Variants in AUTS2 observed in about 807,000 individuals in gnomAD.
The protein encoded by AUTS2 is autism susceptibility gene 2 protein.
A neutral mutation model predicts 112.4 loss-of-function variants in AUTS2; 17 were observed. The observed-to-expected ratio is 0.15, with a 90% CI of 0.10 to 0.23. AUTS2 has a LOEUF of 0.23. AUTS2 is among the 10% of genes least tolerant of loss of function. The pLI is 1.00. For missense variants in AUTS2, 1,510 were observed against 1,701.6 expected (o/e 0.89, Z 1.98); for synonymous variants, 751 against 702.7 (o/e 1.07, Z -1.09).
intron 4 of AUTS2, among the ~76,000 whole-genome samples, chr7:70,161,069 G>T (rs1412927212): frequency 6.6e-6 from 1 of 152,144 alleles, no homozygotes; most frequent in African/African-American, 2.4e-5. Flanking sequence ...CAGTTATTTT[G>T]CTTTAAATCT....
chr7:70,318,679 G>T (rs1202812861), intron 4 of AUTS2, among the ~76,000 whole-genome samples: 1 of 152,178 alleles, frequency 6.6e-6, no homozygotes, highest in East Asian at 1.9e-4. Context: ...AATCAAGGAA[G>T]AGGGCTTCTA....
chr7:70,410,907 A>G (rs1408906904), intron 4 of AUTS2, among the ~76,000 whole-genome samples: 1 of 151,568 alleles, frequency 6.6e-6, no homozygotes, highest in Non-Finnish European at 1.5e-5. Context: ...CTTGTCACCC[A>G]GGCTGGAGTG....
chr7:70,517,348 T>A (rs1799456598), intron 5 of AUTS2, among the ~76,000 whole-genome samples: 1 of 152,080 alleles, frequency 6.6e-6, no homozygotes. Flanking sequence ...ATGGGTTTGG[T>A]GGTATCAGAT....
chr7:70,659,890 A>T (rs1806979120), intron 5 of AUTS2, among the ~76,000 whole-genome samples: 1 of 152,194 alleles, frequency 6.6e-6, no homozygotes, highest in South Asian at 2.1e-4. Context: ...AAATGCAGGC[A>T]ACTGGCTGGG....
intron 5 of AUTS2, among the ~76,000 whole-genome samples, chr7:70,591,297 C>T (rs1585344069): frequency 1.3e-5 from 2 of 150,506 alleles, no homozygotes; most frequent in East Asian, 3.9e-4. Flanking sequence ...GGCCATGCTG[C>T]CCGCTTTGCT....
rs528958009 is a variant in AUTS2, at chr7:70,098,931, A to G, written c.523-19201A>G. On this transcript the variant is annotated intron_variant, in intron 2 of 18. Coordinates refer to ENST00000342771, the MANE Select transcript of AUTS2 (RefSeq NM_015570.4). ...TGGTCAGGCTGGTCTCAAACTCCCA[A>G]CCTCAGGTGATCCGCCCACCTCGAC... 4.6e-4 allele frequency among the ~76,000 whole-genome samples: 69 copies of G among 151,616 alleles called. 1 individual carries two copies. Among genetic ancestry groups the G allele is most frequent in the African/African-American group, 1.5e-3 (61 of 41,374 alleles).
At chr7:69,866,421 C>A (rs757301543) in intron 1 of AUTS2, among the ~76,000 whole-genome samples, 3 of 152,086 alleles carry the variant, frequency 2.0e-5, no homozygotes, top group Non-Finnish European at 2.9e-5. Context: ...TCCATGATTG[C>A]CCCCCTGGAG....
chr7:70,225,374 A>G (rs1811709172), intron 4 of AUTS2, among the ~76,000 whole-genome samples: 1 of 152,360 alleles, frequency 6.6e-6, no homozygotes, highest in Admixed American at 6.5e-5. Flanking sequence ...TGAAAAGTTT[A>G]TGTAGAAATG....
At chr7:70,523,939 A>C (rs1198557480) in intron 5 of AUTS2, among the ~76,000 whole-genome samples, 3 of 152,244 alleles carry the variant, frequency 2.0e-5, no homozygotes, top group African/African-American at 7.2e-5. Context: ...CCTTCACACA[A>C]GTCTAAGCAA....
At chr7:69,761,542 C>T (rs1369790172) in intron 1 of AUTS2, among the ~76,000 whole-genome samples, 1 of 151,942 alleles carries the variant, frequency 6.6e-6, no homozygotes, top group East Asian at 1.9e-4. Flanking sequence ...TGTGTATTTC[C>T]TTGATCTAGT....
intron 2 of AUTS2, among the ~76,000 whole-genome samples, chr7:70,035,083 A>C (rs1342624289): frequency 6.6e-6 from 1 of 152,180 alleles, no homozygotes; most frequent in Non-Finnish European, 1.5e-5. Flanking sequence ...AGCATTCAAC[A>C]ATTCTCTTCC....
Position 70,382,227 on chromosome 7 carries a change from GA to G in AUTS2, c.661-53520del, listed in dbSNP as rs1424061851. On this transcript the variant is annotated intron_variant, in intron 4 of 18. Coordinates refer to ENST00000342771, the MANE Select transcript of AUTS2 (RefSeq NM_015570.4). ...GTTGAATCTCTAGGTCAACCAATTT[GA>G]AAAACTCTAAACTCTTCCAAATTGA... is the stretch of plus-strand genomic sequence containing the variant. Among the ~76,000 whole-genome samples, 5 of 152,132 alleles carry G rather than the reference GA, an allele frequency of 3.3e-5. No homozygotes were observed. In the South Asian group the frequency reaches 8.3e-4, roughly 25 times the overall value.
At chr7:69,677,177 C>G (rs1344609191) in intron 1 of AUTS2, among the ~76,000 whole-genome samples, 1 of 152,110 alleles carries the variant, frequency 6.6e-6, no homozygotes, top group Non-Finnish European at 1.5e-5. Context: ...TAAATAAAGA[C>G]AGCCAAAAGC....
intron 5 of AUTS2, among the ~76,000 whole-genome samples, chr7:70,474,569 ATATAAG>A (rs1252765645): frequency 2.0e-5 from 3 of 152,156 alleles, no homozygotes; most frequent in Non-Finnish European, 2.9e-5. Flanking sequence ...AATAAGGAAA[ATATAAG>A]TATAACTGCC....
At chr7:70,101,485 A>G (rs1049126483) in intron 2 of AUTS2, among the ~76,000 whole-genome samples, 7 of 152,054 alleles carry the variant, frequency 4.6e-5, no homozygotes, top group Non-Finnish European at 1.0e-4. Context: ...ACTTGAGATC[A>G]GGAGTTAAAG....
In AUTS2 at chr7:70,790,651, G is replaced by A. The variant is rs749147574; in HGVS notation, c.3435G>A (p.Arg1145=). 2.5e-6 allele frequency: 4 copies of A among 1,613,116 alleles called. No homozygotes were observed. The South Asian group carries it at 3.3e-5, about 13-fold the overall frequency. ...LSVDPRREHE[R]GGHLDERERL... is the part of the protein sequence containing the mutation. ...TGGACCCTCGGCGGGAGCACGAGCG[G>A]GGAGGCCACCTGGACGAGCGGGAGC... The change falls in exon 19 of 19, where the codon CGG becomes CGA. Residue 1145 remains arginine (R), a synonymous_variant. Transcript: ENST00000342771. The surrounding 1 kb of genome is among the most constrained non-coding windows in gnomAD (Gnocchi z 7.6).
chr7:70,270,146 A>G (rs988323115), intron 4 of AUTS2, among the ~76,000 whole-genome samples: 2 of 152,184 alleles, frequency 1.3e-5, no homozygotes, highest in Non-Finnish European at 2.9e-5. Flanking sequence ...CATTCCATGT[A>G]GTCTTGGGAA....
At chr7:70,672,292 G>T (rs1395485612) in intron 5 of AUTS2, among the ~76,000 whole-genome samples, 2 of 152,218 alleles carry the variant, frequency 1.3e-5, no homozygotes, top group African/African-American at 4.8e-5. Flanking sequence ...ACATTGAAGG[G>T]ATACCTGAAG....
At chr7:70,378,972 G>A (rs968943200) in intron 4 of AUTS2, among the ~76,000 whole-genome samples, 1 of 152,074 alleles carries the variant, frequency 6.6e-6, no homozygotes, top group African/African-American at 2.4e-5. Context: ...TTAGAACATT[G>A]TTTCATATGC....
Sources: allele counts gnomAD v4.1 joint callset (sites outside exome capture counted in the v4.1 genomes callset), GRCh38; gene constraint gnomAD v4.1.1; non-coding constraint Gnocchi (gnomAD v3.1); transcripts MANE v1.5; gene names NCBI Gene and HGNC (gene_info 2026-07-23, HGNC 2026-07-21).